INPP5F: variants seen among roughly 807,000 people sequenced by gnomAD.
INPP5F encodes the protein inositol polyphosphate-5-phosphatase F, also known as phosphatidylinositide 4-phosphatase SAC2.
INPP5F carries 97 observed loss-of-function variants against 137.2 expected under a neutral mutation model. The ratio of observed to expected loss-of-function variants is 0.71; its 90% CI spans 0.60 to 0.84. The LOEUF is 0.84. Ranked by LOEUF, INPP5F falls within the 40% of genes least tolerant of loss-of-function variation. The pLI, the probability that INPP5F is intolerant of heterozygous loss-of-function variation, is 0.00. For synonymous variants in INPP5F, 504 were observed against 476.9 expected (o/e 1.06, Z -0.74); for missense variants, 1,271 against 1,371.9 (o/e 0.93, Z 1.16).
rs1423357674 is a variant in INPP5F at position 119,826,910 on chromosome 10, T to C, written c.2529T>C (p.Val843=). 6.2e-7 allele frequency: 1 copy of C among 1,614,038 alleles called. No individual in the cohort carries two copies. Among genetic ancestry groups the C allele is most frequent in the Non-Finnish European group, 8.5e-7 (1 of 1,179,992 alleles). Residue 843 remains valine, a synonymous_variant, in exon 20 of 20, where the codon GTT becomes GTC. Coordinates refer to ENST00000650623, the MANE Select transcript of INPP5F (RefSeq NM_014937.4). The part of the protein sequence containing the change: ...TMENTGVMDK[V]QAESDGDMSS... The stretch of plus-strand genomic sequence containing the variant: ...AAAACACAGGAGTGATGGATAAGGT[T>C]CAGGCAGAGTCTGATGGGGACATGT...
At chr10:119,729,343 C>T (rs1296974242) in intron 1 of INPP5F, among the ~76,000 whole-genome samples, 2 of 152,026 alleles carry the variant, frequency 1.3e-5, no homozygotes, top group Non-Finnish European at 2.9e-5. Flanking sequence ...GATAGGGTTT[C>T]GCCATGTCGG....
In INPP5F at chr10:119,804,254, A is replaced by G. The variant is rs1483009903; in HGVS notation, c.1198A>G (p.Asn400Asp). 1 of 1,612,996 alleles carries G rather than the reference A, an allele frequency of 6.2e-7. No homozygotes were observed. The highest frequency in any genetic ancestry group is 8.5e-7 in the Non-Finnish European group (1 of 1,179,682). ...AYLKQVLLFNNSHLTYVSFDF... is the reference protein window; with the variant it reads ...AYLKQVLLFNDSHLTYVSFDF... ...CCTGAAGCAAGTGTTGCTTTTCAAC[A>G]ACTCACACCTCACTTACGTTTCGTT... The change falls in exon 10 of 20, where the codon AAC (asparagine) becomes GAC (aspartate). Residue 400 changes from asparagine to aspartate, a missense_variant. Physicochemically the swap from Asn to Asp is conservative, Grantham distance 23. Around this residue, in one of 6 missense-constraint regions of INPP5F, gnomAD observed 593 missense variants for 712.4 expected, o/e 0.83. Coordinates refer to ENST00000650623, the MANE Select transcript of INPP5F (RefSeq NM_014937.4).
chr10:119,745,807 C>T (rs1334024194), intron 1 of INPP5F, among the ~76,000 whole-genome samples: 2 of 148,292 alleles, frequency 1.3e-5, no homozygotes, highest in African/African-American at 2.5e-5. Context: ...TGGGTTCAAG[C>T]GATTCTCCTG....
intron 2 of INPP5F, among the ~76,000 whole-genome samples, chr10:119,773,142 C>T (rs543739913): frequency 1.3e-5 from 2 of 152,124 alleles, no homozygotes; most frequent in Non-Finnish European, 2.9e-5. Context: ...CTGCAACCTT[C>T]GCCTCCTGGG....
In INPP5F at chr10:119,750,331, A is replaced by C. The variant is rs1848656207; in HGVS notation, c.98-745A>C. On this transcript the variant is annotated intron_variant, in intron 1 of 19. Coordinates refer to ENST00000650623, the MANE Select transcript of INPP5F (RefSeq NM_014937.4). ...TCGAACTACCACAAATGTTACGTTT[A>C]TTACCACGTATATAACCTTTTGCAA... is the stretch of plus-strand genomic sequence containing the variant. Among the ~76,000 whole-genome samples the C allele has an allele frequency of 2.0e-5, 3 of 152,312 alleles. No homozygotes were observed. The South Asian group carries it at 6.2e-4, about 32-fold the overall frequency.
intron 1 of INPP5F, among the ~76,000 whole-genome samples, chr10:119,734,208 AG>A (rs1848161360): frequency 6.6e-6 from 1 of 152,188 alleles, no homozygotes; most frequent in Non-Finnish European, 1.5e-5. Context: ...CCTTGTGCAG[AG>A]AAGGTTGTTG....
intron 1 of INPP5F, among the ~76,000 whole-genome samples, chr10:119,747,222 A>G (rs1564805683): frequency 1.3e-5 from 2 of 152,008 alleles, no homozygotes; most frequent in African/African-American, 4.8e-5. Context: ...TTAACTCAAA[A>G]TTATTAATTT....
At chr10:119,763,292 C>T (rs1849059339) in intron 2 of INPP5F, among the ~76,000 whole-genome samples, 3 of 152,216 alleles carry the variant, frequency 2.0e-5, no homozygotes, top group Non-Finnish European at 4.4e-5. Context: ...CTCCACGGCT[C>T]TACCCAGGAA....
At chr10:119,732,756 C>G (rs1848119381) in intron 1 of INPP5F, among the ~76,000 whole-genome samples, 1 of 152,124 alleles carries the variant, frequency 6.6e-6, no homozygotes, top group African/African-American at 2.4e-5. Context: ...CTGCCTCAGC[C>G]TCCCAAAAGT....
Position 119,810,103 on chromosome 10 carries a change from G to A in INPP5F, c.1573G>A (p.Asp525Asn). 2 of 1,597,300 alleles carry A rather than the reference G, an allele frequency of 1.3e-6. No individual in the cohort carries two copies. Among genetic ancestry groups the A allele is most frequent in the Non-Finnish European group, 1.7e-6 (2 of 1,166,022 alleles). Reference protein sequence around the residue: ...QYAGTAALKGDFTRTGERKLA... With the variant: ...QYAGTAALKGNFTRTGERKLA... Reference sequence around the variant, plus strand: ...AAAATCAGTTTTTGTTTGACAGGGTGACTTTACAAGGACAGGAGAAAGGAA... The same window carrying A: ...AAAATCAGTTTTTGTTTGACAGGGTAACTTTACAAGGACAGGAGAAAGGAA... Residue 525 changes from aspartate to asparagine, a missense_variant, in exon 14 of 20, where the codon GAC (aspartate) becomes AAC (asparagine). Physicochemically the swap from Asp to Asn is conservative, Grantham distance 23. This residue lies in a region of INPP5F where 593 missense variants were observed against 712.4 expected (regional missense o/e 0.83). Transcript: ENST00000650623.
intron 2 of INPP5F, among the ~76,000 whole-genome samples, chr10:119,764,587 T>TC (rs1849101999): frequency 6.6e-6 from 1 of 151,474 alleles, no homozygotes; most frequent in African/African-American, 2.4e-5. Flanking sequence ...GGTTTTCTTT[T>TC]TTTTTTTTTT....
In INPP5F at chr10:119,764,090, G is replaced by C. The variant is rs1361065170; in HGVS notation, c.178+12934G>C. Among the ~76,000 whole-genome samples the C allele has an allele frequency of 2.0e-5, 3 of 152,242 alleles. No individual in the cohort carries two copies. The East Asian group carries it at 5.8e-4, about 29-fold the overall frequency. Reference sequence around the variant, plus strand: ...TGAGAAGATTGAGGCTTTTTCTACAGCTCATCTCTCTTCTTTCTGAGTCCT... The same window carrying C: ...TGAGAAGATTGAGGCTTTTTCTACACCTCATCTCTCTTCTTTCTGAGTCCT... On this transcript the variant is annotated intron_variant, in intron 2 of 19. Transcript: ENST00000650623.
chr10:119,785,537 A>AGAGG, intron 3 of INPP5F, among the ~76,000 whole-genome samples: 1 of 123,862 alleles, frequency 8.1e-6, no homozygotes. Flanking sequence ...GATCCGCTCG[A>AGAGG]GAGAGAGAGA....
chr10:119,733,362 G>A (rs1848139406), intron 1 of INPP5F, among the ~76,000 whole-genome samples: 2 of 152,176 alleles, frequency 1.3e-5, no homozygotes. Flanking sequence ...AGTTGATCAG[G>A]TTTCTCTTCT....
At chr10:119,794,191 G>T (rs1165502370) in intron 6 of INPP5F, among the ~76,000 whole-genome samples, 4 of 151,770 alleles carry the variant, frequency 2.6e-5, no homozygotes, top group South Asian at 2.1e-4. Context: ...GTGTCCCTGG[G>T]TACTTGAGAT....
intron 19 of INPP5F, 36 bp downstream of exon 19, chr10:119,823,938 C>G (rs780179588): frequency 9.6e-6 from 14 of 1,456,016 alleles, no homozygotes. Context: ...TAAAGGCATT[C>G]TTATCCAAGG....
At chr10:119,726,574 A>G (rs1035749441) in intron 1 of INPP5F, among the ~76,000 whole-genome samples, 1 of 152,150 alleles carries the variant, frequency 6.6e-6, no homozygotes, top group Non-Finnish European at 1.5e-5. Context: ...AGTGCGGAGC[A>G]GAAGGGGCTG....
chr10:119,770,032 G>T (rs1849291987), intron 2 of INPP5F, among the ~76,000 whole-genome samples: 1 of 152,080 alleles, frequency 6.6e-6, no homozygotes, highest in Non-Finnish European at 1.5e-5. Flanking sequence ...CTCCTTTTAA[G>T]TGAGTCACTT....
rs188196484 is a variant in INPP5F, at chr10:119,779,401, T to A, written c.179-2234T>A. Among the ~76,000 whole-genome samples, 982 of 152,178 alleles carry A rather than the reference T, an allele frequency of 6.5e-3. 8 individuals carry two copies. Among genetic ancestry groups the A allele is most frequent in the Non-Finnish European group, 9.9e-3 (673 of 68,020 alleles). The stretch of plus-strand genomic sequence containing the variant: ...ACTTTAAAATCTTTTCTTTCTTTTT[T>A]AAAAATTTTTTTGGGTTTTTATTTT... On this transcript the variant is annotated intron_variant, in intron 2 of 19. Transcript: ENST00000650623.
Sources: gnomAD v4.1 joint callset for allele counts (sites outside exome capture counted in the v4.1 genomes callset) on GRCh38, gnomAD v4.1.1 for gene constraint, gnomAD v4.1.1 regional missense constraint, MANE v1.5 for transcripts, NCBI Gene and HGNC (gene_info 2026-07-23, HGNC 2026-07-21) for gene names.